The following FAM120B variants were observed in gnomAD, a reference collection of about 807,000 sequenced individuals.
FAM120B encodes the protein family with sequence similarity 120 member B, also known as constitutive coactivator of peroxisome proliferator-activated receptor gamma.
FAM120B carries 83 observed loss-of-function variants against 96.3 expected under a neutral mutation model. The observed-to-expected ratio is 0.86, with a 90% confidence interval of 0.72 to 1.03. The LOEUF (loss-of-function observed/expected upper bound fraction) is 1.03. Ranked by LOEUF, FAM120B falls within the 50% of genes least tolerant of loss-of-function variation. The pLI is 0.00. For synonymous variants in FAM120B, 407 were observed against 402.7 expected, an observed-to-expected ratio of 1.01 and a Z score of -0.13; for missense variants, 1,027 against 1,121.2, an observed-to-expected ratio of 0.92 and a Z score of 1.20.
intron 6 of FAM120B, among the ~76,000 whole-genome samples, chr6:170,378,560 A>G (rs142203815): frequency 6.6e-6 from 1 of 152,376 alleles, no homozygotes; most frequent in Non-Finnish European, 1.5e-5. Context: ...AATGGGTATC[A>G]GTGAGAGACG....
upstream of FAM120B, among the ~76,000 whole-genome samples, chr6:170,294,701 T>TGACTGTGGTGGGGGC (rs1378217112): frequency 3.9e-5 from 6 of 152,116 alleles, no homozygotes; most frequent in Non-Finnish European, 7.4e-5. The surrounding 1 kb of genome is among the most constrained non-coding windows in gnomAD (Gnocchi z 7.9). Context: ...TGTGTGGTGG[T>TGACTGTGGTGGGGGC]GACTGTGGTG....
chr6:170,312,587 A>G (rs1040744480), intron 1 of FAM120B, among the ~76,000 whole-genome samples: 18 of 152,210 alleles, frequency 1.2e-4, no homozygotes, highest in African/African-American at 4.3e-4. Context: ...CCCCTGTGAC[A>G]TCAGCTGGCA....
intron 1 of FAM120B, among the ~76,000 whole-genome samples, chr6:170,313,284 C>G (rs1784704084): frequency 6.6e-6 from 1 of 152,022 alleles, no homozygotes; most frequent in African/African-American, 2.4e-5. Context: ...TTAAGAGGTC[C>G]CTATGAGTTT....
At chr6:170,362,012 T>A (rs1256393453) in intron 6 of FAM120B, among the ~76,000 whole-genome samples, 3 of 152,144 alleles carry the variant, frequency 2.0e-5, no homozygotes, top group African/African-American at 7.2e-5. Context: ...CAGGCTGGTC[T>A]TGAACTCCTG....
intron 8 of FAM120B, among the ~76,000 whole-genome samples, chr6:170,394,215 A>G (rs1294766192): frequency 1.3e-5 from 2 of 152,202 alleles, no homozygotes; most frequent in Admixed American, 6.5e-5. Context: ...AAACACCACA[A>G]TGGGAGGACA....
intron 6 of FAM120B, among the ~76,000 whole-genome samples, chr6:170,378,983 G>T (rs1789744075): frequency 6.6e-6 from 1 of 152,248 alleles, no homozygotes; most frequent in Admixed American, 6.5e-5. Context: ...CAAGGGACGG[G>T]GCCGGAGCCA....
At chr6:170,367,308 A>C (rs961736447) in intron 6 of FAM120B, among the ~76,000 whole-genome samples, 1 of 152,250 alleles carries the variant, frequency 6.6e-6, no homozygotes. Flanking sequence ...GAAGCCTGTG[A>C]GCTAAGAATG....
intron 6 of FAM120B, among the ~76,000 whole-genome samples, chr6:170,387,452 G>T (rs990223151): frequency 2.0e-5 from 3 of 152,022 alleles, no homozygotes; most frequent in Non-Finnish European, 4.4e-5. Context: ...CCTCATTTAC[G>T]GACTCATGTG....
intron 7 of FAM120B, 118 bp from the exon 8 acceptor site, chr6:170,390,895 C>T (rs1005849174): frequency 2.6e-6 from 2 of 780,212 alleles, no homozygotes; most frequent in Non-Finnish European, 4.5e-6. Context: ...GCCACCATTG[C>T]TGCCTCGCCT....
At chr6:170,399,362 A>T (rs1190200296) in intron 9 of FAM120B, among the ~76,000 whole-genome samples, 1 of 150,058 alleles carries the variant, frequency 6.7e-6, no homozygotes, top group Admixed American at 6.6e-5. Flanking sequence ...CTTAGGAGTG[A>T]GTGGGGAAGG....
At chr6:170,320,397 T>G (rs1785208437) in intron 2 of FAM120B, among the ~76,000 whole-genome samples, 1 of 151,964 alleles carries the variant, frequency 6.6e-6, no homozygotes, top group Non-Finnish European at 1.5e-5. Flanking sequence ...GTGCAGTGAG[T>G]GGATTTAAAG....
At position 170,388,389 on chromosome 6, in the gene FAM120B, A is replaced by G. The variant is rs373132046; in HGVS notation, c.2386A>G (p.Thr796Ala). The G allele has an allele frequency of 3.7e-6, 6 of 1,614,048 alleles. No individual in the cohort carries two copies. The highest frequency in any genetic ancestry group is 5.1e-6 in the Non-Finnish European group (6 of 1,180,032). The part of the protein sequence containing the change: ...VNSACGFPWK[T>A]SDFMPWNVFD... ...CAGCGCATGTGGCTTCCCCTGGAAG[A>G]CGAGTGATTTCATGCCCTGGAATGT... The change falls in exon 7 of 11, where the codon ACG (threonine) becomes GCG (alanine). Residue 796 changes from threonine to alanine, a missense_variant. By Grantham distance (58) the Thr-to-Ala change is moderately conservative. Around this residue, in one of 3 missense-constraint regions of FAM120B, gnomAD observed 880 missense variants for 980.9 expected, o/e 0.90. Transcript: ENST00000476287.
At chr6:170,307,407 C>T (rs1443251648) in intron 1 of FAM120B, among the ~76,000 whole-genome samples, 1 of 152,110 alleles carries the variant, frequency 6.6e-6, no homozygotes, top group Non-Finnish European at 1.5e-5. Flanking sequence ...TAACACTGAG[C>T]GTCAAGCAGA....
chr6:170,332,502 C>T (rs974436622), intron 4 of FAM120B, among the ~76,000 whole-genome samples: 4 of 152,060 alleles, frequency 2.6e-5, no homozygotes, highest in Non-Finnish European at 5.9e-5. Flanking sequence ...GTTTGACACC[C>T]GCCTGGCTAA....
intron 6 of FAM120B, among the ~76,000 whole-genome samples, chr6:170,375,415 C>CT (rs1485875137): frequency 6.6e-6 from 1 of 152,182 alleles, no homozygotes; most frequent in Non-Finnish European, 1.5e-5. Flanking sequence ...TTGTGGTTTG[C>CT]TTTTGCCTAC....
upstream of FAM120B, chr6:170,291,001 C>A: frequency 2.8e-6 from 2 of 701,874 alleles, no homozygotes; most frequent in Non-Finnish European, 5.2e-6. Flanking sequence ...AAATCAGCAG[C>A]CCCCCAATCT....
chr6:170,403,680 C>T (rs550020924), intron 9 of FAM120B, among the ~76,000 whole-genome samples: 20 of 152,164 alleles, frequency 1.3e-4, no homozygotes, highest in African/African-American at 1.7e-4. Flanking sequence ...TGCTCAGCCC[C>T]GCTGGAAAGA....
chr6:170,364,995 T>C (rs1350068421), intron 6 of FAM120B, among the ~76,000 whole-genome samples: 1 of 152,202 alleles, frequency 6.6e-6, no homozygotes, highest in African/African-American at 2.4e-5. Flanking sequence ...AAAGCAAAGC[T>C]AGGGCTCTGG....
intron 6 of FAM120B, among the ~76,000 whole-genome samples, chr6:170,368,141 T>C (rs1788918574): frequency 6.6e-6 from 1 of 152,208 alleles, no homozygotes. Flanking sequence ...AGTGGTACCT[T>C]AGAGACAGTT....
Sources: gnomAD v4.1 joint callset for allele counts (sites outside exome capture counted in the v4.1 genomes callset) on GRCh38, gnomAD v4.1.1 for gene constraint, gnomAD v4.1.1 regional missense constraint, Gnocchi (gnomAD v3.1) non-coding constraint, MANE v1.5 for transcripts, NCBI Gene and HGNC (gene_info 2026-07-23, HGNC 2026-07-21) for gene names.